ANKAR: variants seen among roughly 807,000 people sequenced by gnomAD.
ANKAR encodes ankyrin and armadillo repeat-containing protein.
ANKAR carries 136 observed loss-of-function variants against 146.2 expected under a neutral mutation model. The observed-to-expected ratio is 0.93, with a 90% CI of 0.81 to 1.07. The LOEUF is 1.07. ANKAR is among the 50% of genes least tolerant of loss of function. ANKAR has a pLI of 0.00. For synonymous variants in ANKAR, 500 were observed against 575.8 expected (o/e 0.87, Z 1.88); for missense variants, 1,567 against 1,679.9 (o/e 0.93, Z 1.18).
Position 189,676,507 on chromosome 2 carries a change from A to C in ANKAR, c.17A>C (p.Lys6Thr). MLRLP[K>T]KGLPRFEQVQ... The stretch of plus-strand genomic sequence containing the variant: ...TAATTAGAAATGTTAAGATTGCCCA[A>C]AAAAGGATTACCTAGATTTGAGCAA... Residue 6 changes from lysine to threonine, a missense_variant, in exon 2 of 23, where the codon AAA becomes ACA. Transcript: ENST00000684021. The C allele has an allele frequency of 6.4e-7, 1 of 1,550,430 alleles. No homozygotes were observed. Among genetic ancestry groups the C allele is most frequent in the Non-Finnish European group, 8.7e-7 (1 of 1,151,324 alleles).
At chr2:189,710,062 G>A (rs541571286) in intron 9 of ANKAR, among the ~76,000 whole-genome samples, 48 of 152,226 alleles carry the variant, frequency 3.2e-4, no homozygotes, top group African/African-American at 1.0e-3. Flanking sequence ...TTTCCACTAC[G>A]CATAAAAGAA....
intron 9 of ANKAR, among the ~76,000 whole-genome samples, chr2:189,708,506 G>A (rs913073804): frequency 6.6e-6 from 1 of 152,114 alleles, no homozygotes; most frequent in African/African-American, 2.4e-5. Context: ...TTCACTTTTA[G>A]TACAGTATTC....
chr2:189,694,377 G>T (rs1179326625), intron 5 of ANKAR, among the ~76,000 whole-genome samples: 1 of 152,150 alleles, frequency 6.6e-6, no homozygotes, highest in East Asian at 1.9e-4. Flanking sequence ...GGTACCTCAT[G>T]GGGGGAAGGG....
chr2:189,750,247 T>C (rs1360534242), downstream of ANKAR, among the ~76,000 whole-genome samples: 1 of 152,190 alleles, frequency 6.6e-6, no homozygotes, highest in African/African-American at 2.4e-5. Context: ...GGGAAAGTCC[T>C]AGGCCTGTAT....
chr2:189,677,660 ATTTT>A (rs1006906019), intron 2 of ANKAR, among the ~76,000 whole-genome samples: 1 of 148,226 alleles, frequency 6.7e-6, no homozygotes, highest in African/African-American at 2.5e-5. Context: ...TGGTATATAT[ATTTT>A]CTTTCTTTCT....
At chr2:189,676,238 C>T (rs973011606) in intron 1 of ANKAR, among the ~76,000 whole-genome samples, 1 of 152,100 alleles carries the variant, frequency 6.6e-6, no homozygotes, top group Non-Finnish European at 1.5e-5. Flanking sequence ...CTTTGAAAAG[C>T]AGAACATGGT....
At position 189,733,185 on chromosome 2, in the gene ANKAR, T is replaced by C. The variant is rs776039997; in HGVS notation, c.3379T>C (p.Phe1127Leu). The change falls in exon 17 of 23, where the codon TTT becomes CTT. Residue 1127 changes from phenylalanine to leucine, a missense_variant. Physicochemically the swap from Phe to Leu is conservative, Grantham distance 22. Coordinates refer to ENST00000684021, the MANE Select transcript of ANKAR (RefSeq NM_001378068.1). Reference sequence around the variant, plus strand: ...GAAAGACTTACATGAAAATGAAGGATTTGAATATGCTGATGTCCTTTATCT... The same window carrying C: ...GAAAGACTTACATGAAAATGAAGGACTTGAATATGCTGATGTCCTTTATCT... ...LQKDLHENEG[F>L]EYADVLYLLH... 4 of 1,612,222 alleles carry C rather than the reference T, an allele frequency of 2.5e-6. No individual in the cohort carries two copies. In the East Asian group the frequency reaches 6.7e-5, roughly 27 times the overall value.
At chr2:189,760,523 T>C (rs2106087987) in intron 18 of ANKAR, among the ~76,000 whole-genome samples, 1 of 152,302 alleles carries the variant, frequency 6.6e-6, no homozygotes, top group South Asian at 2.1e-4. Context: ...CCCGGCGCGG[T>C]GTCTCACGCC....
chr2:189,748,108 T>C (rs566824369), downstream of ANKAR, among the ~76,000 whole-genome samples: 1 of 152,204 alleles, frequency 6.6e-6, no homozygotes, highest in Non-Finnish European at 1.5e-5. Flanking sequence ...AAGTATATAT[T>C]AATTAGCGGT....
chr2:189,676,560 A>G lies in ANKAR; in HGVS notation c.70A>G (p.Asn24Asp). 1.2e-6 allele frequency: 2 copies of G among 1,606,900 alleles called. No individual in the cohort carries two copies. The highest frequency in any genetic ancestry group is 1.7e-6 in the Non-Finnish European group (2 of 1,178,792). ...TCAGGATGAAGACACCTACCTGGAA[A>G]ATTTAGCAATACAAAGAAATGCATC... ...QVQDEDTYLENLAIQRNASAF... is the reference protein window; with the variant it reads ...QVQDEDTYLEDLAIQRNASAF... The change falls in exon 2 of 23, where the codon AAT becomes GAT. Residue 24 changes from asparagine (N) to aspartate (D), a missense_variant. Asn to Asp is a conservative substitution (Grantham distance 23, BLOSUM62 1). Transcript: ENST00000684021.
chr2:189,743,216 CA>C, intron 20 of ANKAR, 58 bp from the exon 21 acceptor site: 1 of 1,513,644 alleles, frequency 6.6e-7, no homozygotes, highest in Non-Finnish European at 9.1e-7. Flanking sequence ...CTAATTAGAA[CA>C]TTAAGATATT....
downstream of ANKAR, chr2:189,750,451 G>GA: frequency 5.3e-5 from 1 of 18,870 alleles, no homozygotes; most frequent in African/African-American, 1.2e-3. Context: ...ACATCAAATA[G>GA]AAAAAAAAAA....
At chr2:189,680,975 G>A (rs1303095705) in intron 2 of ANKAR, among the ~76,000 whole-genome samples, 1 of 151,296 alleles carries the variant, frequency 6.6e-6, no homozygotes, top group East Asian at 2.0e-4. Flanking sequence ...CAGCAAGAGT[G>A]CTTGGTAGTT....
chr2:189,683,359 A>C (rs970455239), intron 2 of ANKAR, among the ~76,000 whole-genome samples: 4 of 152,206 alleles, frequency 2.6e-5, no homozygotes, highest in African/African-American at 9.7e-5. Flanking sequence ...TTGTTCCTAC[A>C]CCAGAATGGC....
Position 189,738,568 on chromosome 2 carries a change from G to A in ANKAR, c.3586G>A (p.Val1196Ile), listed in dbSNP as rs755427816. ...TEKAMAAFQI[V>I]VLAKVIRDMD... ...TCTGCTTCTTTTCTGTTTTCAGATTGTTGTACTGGCTAAAGTCATTAGAGA... is the reference window on the plus strand; with the variant it reads ...TCTGCTTCTTTTCTGTTTTCAGATTATTGTACTGGCTAAAGTCATTAGAGA... The change falls in exon 19 of 23, where the codon GTT becomes ATT. Residue 1196 changes from valine (V) to isoleucine (I), a missense_variant. Physicochemically the swap from Val to Ile is conservative, Grantham distance 29. Coordinates refer to ENST00000684021, the MANE Select transcript of ANKAR (RefSeq NM_001378068.1). 17 of 1,575,660 alleles carry A rather than the reference G, an allele frequency of 1.1e-5. 1 individual carries two copies. The South Asian group carries it at 1.4e-4, about 13-fold the overall frequency.
downstream of ANKAR, chr2:189,762,799 G>A (rs2047324082): frequency 2.0e-6 from 2 of 985,384 alleles, no homozygotes; most frequent in Non-Finnish European, 1.2e-6. Flanking sequence ...TGATGTCATC[G>A]GAACTGTGCA....
rs949067024 is a variant in ANKAR, at chr2:189,756,142, G to A, written c.*585-4956G>A. On this transcript the variant is annotated intron_variant and NMD_transcript_variant, in intron 18 of 18. Transcript: ENST00000441800. ...AACATGAAGACAGTTTTATAAAGAC[G>A]ACGAGTTTATTTTAAAACACATTCC... Among the ~76,000 whole-genome samples the A allele has an allele frequency of 4.6e-5, 7 of 152,274 alleles. No homozygotes were observed. The South Asian group carries it at 6.2e-4, about 14-fold the overall frequency.
At chr2:189,744,989 C>CTCT (rs1207668868) in intron 22 of ANKAR, among the ~76,000 whole-genome samples, 151 of 37,502 alleles carry the variant, frequency 4.0e-3, no homozygotes, top group African/African-American at 0.018. Context: ...GAAACCCCAT[C>CTCT]TCTACTACTA....
At chr2:189,713,976 A>G (rs1269749521) in intron 10 of ANKAR, among the ~76,000 whole-genome samples, 1 of 152,198 alleles carries the variant, frequency 6.6e-6, no homozygotes, top group Non-Finnish European at 1.5e-5. Context: ...AGTCTCTGAT[A>G]AAACAGACTT....
Sources: allele counts gnomAD v4.1 joint callset (sites outside exome capture counted in the v4.1 genomes callset), GRCh38; gene constraint gnomAD v4.1.1; transcripts MANE v1.5; gene names NCBI Gene and HGNC (gene_info 2026-07-23, HGNC 2026-07-21).